FAM171B: variants seen among roughly 807,000 people sequenced by gnomAD.
FAM171B encodes family with sequence similarity 171 member B, also known as protein FAM171B.
Under a neutral mutation model 75.6 loss-of-function variants are expected in FAM171B, and 19 were observed. The observed-to-expected ratio is 0.25, with a 90% CI of 0.18 to 0.37. The LOEUF (loss-of-function observed/expected upper bound fraction) is 0.37. Ranked by LOEUF, FAM171B falls within the 10% of genes least tolerant of loss-of-function variation. The probability of loss-of-function intolerance (pLI) is 1.00; values close to 1 mark genes in which losing one functional copy is unlikely to be tolerated. For synonymous variants in FAM171B, 367 were observed against 361.7 expected, an observed-to-expected ratio of 1.01 and a Z score of -0.17; for missense variants, 848 against 982.4, an observed-to-expected ratio of 0.86 and a Z score of 1.83.
rs889716678 is a variant in FAM171B, at chr2:186,763,074, G to T, written c.*251G>T. 6.6e-5 allele frequency: 26 copies of T among 393,900 alleles called. No individual in the cohort carries two copies. Among genetic ancestry groups the T allele is most frequent in the African/African-American group, 5.0e-4 (24 of 48,470 alleles). The allele number at this position is 393,900 out of a possible 1,614,324, so 24.4% of individuals were successfully genotyped here. ...TCAAAATGTAAAATAGCTTCAAGAT[G>T]TTAGTTATCTGAAAATGTTGCTCAG... On this transcript the variant is annotated 3_prime_UTR_variant, in exon 8 of 8. Transcript: ENST00000304698.
rs1432011992 is a variant in FAM171B at position 186,765,782 on chromosome 2, C to A, written c.*2959C>A. 1.3e-5 allele frequency: 2 copies of A among 152,058 alleles called. No individual in the cohort carries two copies. Among genetic ancestry groups the A allele is most frequent in the African/African-American group, 4.8e-5 (2 of 41,436 alleles). The allele number at this position is 152,058 out of a possible 1,614,324, so 9.4% of individuals were successfully genotyped here. On this transcript the variant is annotated 3_prime_UTR_variant, in exon 8 of 8. Transcript: ENST00000304698. ...ATTTCTATTTCAGATCTAGAATTGA[C>A]ATTTTGCCTTCTTGTTTCCAGGTGT...
intron 2 of FAM171B, among the ~76,000 whole-genome samples, chr2:186,742,604 GT>G (rs956449481): frequency 1.1e-4 from 16 of 151,976 alleles, no homozygotes; most frequent in African/African-American, 3.9e-4. Context: ...ATGCAACTGT[GT>G]TTTCTCTTAA....
intron 1 of FAM171B, among the ~76,000 whole-genome samples, chr2:186,696,512 T>G (rs546230388): frequency 4.2e-5 from 6 of 143,434 alleles, no homozygotes; most frequent in Admixed American, 2.9e-4. Context: ...CTCCAATGGC[T>G]TCCCGTCTCT....
At position 186,761,800 on chromosome 2, in the gene FAM171B, G is replaced by A. The variant is rs749377956; in HGVS notation, c.1458G>A (p.Glu486=). Residue 486 remains glutamate, a synonymous_variant, in exon 8 of 8, where the codon GAG becomes GAA. Transcript: ENST00000304698. ...NYSRNPTQSL[E]PNVGSKQPKH... is the part of the protein sequence containing the mutation. ...CAAGAAACCCAACACAGTCTTTGGA[G>A]CCCAATGTAGGGTCCAAACAACCTA... 6.8e-6 allele frequency: 11 copies of A among 1,613,026 alleles called. No homozygotes were observed. Among genetic ancestry groups the A allele is most frequent in the Non-Finnish European group, 4.2e-6 (5 of 1,179,748 alleles).
At chr2:186,715,434 C>A (rs1230135858) in intron 1 of FAM171B, among the ~76,000 whole-genome samples, 2 of 152,060 alleles carry the variant, frequency 1.3e-5, no homozygotes, top group Admixed American at 1.3e-4. Flanking sequence ...AACTCCTGGG[C>A]TCAAGCAATC....
chr2:186,753,268 C>T (rs1690483095), intron 5 of FAM171B, among the ~76,000 whole-genome samples: 1 of 152,152 alleles, frequency 6.6e-6, no homozygotes. Flanking sequence ...CCTGCCTCAG[C>T]CTCCTGAGTA....
At chr2:186,724,521 A>C (rs1322403328) in intron 1 of FAM171B, among the ~76,000 whole-genome samples, 1 of 152,184 alleles carries the variant, frequency 6.6e-6, no homozygotes, top group Non-Finnish European at 1.5e-5. Context: ...ATCCTTTACT[A>C]TAATAAAGCA....
chr2:186,751,703 A>G (rs530517505), intron 5 of FAM171B, among the ~76,000 whole-genome samples: 1 of 152,258 alleles, frequency 6.6e-6, no homozygotes, highest in Non-Finnish European at 1.5e-5. Flanking sequence ...TTATTAAGAG[A>G]TAGAAAAAGT....
chr2:186,714,353 C>G (rs1256829531), intron 1 of FAM171B, among the ~76,000 whole-genome samples: 1 of 151,856 alleles, frequency 6.6e-6, no homozygotes, highest in East Asian at 1.9e-4. Context: ...CTGATGTTAA[C>G]AATATTCACA....
chr2:186,694,269 G>T lies in FAM171B; in HGVS notation c.96G>T (p.Ala32=), dbSNP rs758737940. Residue 32 remains alanine (A), a synonymous_variant, in exon 1 of 8, where the codon GCG becomes GCT. Transcript: ENST00000304698. ...GGCTGGTCCCCGCGGCCGCCAGAGCGGAACTCAGCCGCTCCGACCTCAGCC... is the reference window on the plus strand; with the variant it reads ...GGCTGGTCCCCGCGGCCGCCAGAGCTGAACTCAGCCGCTCCGACCTCAGCC... ...KARLVPAAAR[A]ELSRSDLSLI... The T allele has an allele frequency of 6.2e-7, 1 of 1,611,866 alleles. No individual in the cohort carries two copies. The highest frequency in any genetic ancestry group is 8.5e-7 in the Non-Finnish European group (1 of 1,179,624).
At chr2:186,714,201 G>A (rs1236422850) in intron 1 of FAM171B, among the ~76,000 whole-genome samples, 3 of 151,804 alleles carry the variant, frequency 2.0e-5, no homozygotes, top group African/African-American at 7.3e-5. Flanking sequence ...CTCCACAACA[G>A]AGAAGGGCAT....
At chr2:186,753,829 C>G in intron 5 of FAM171B, 104 bp from the exon 6 acceptor site, 1 of 781,430 alleles carries the variant, frequency 1.3e-6, no homozygotes, top group Non-Finnish European at 2.2e-6. Context: ...TTATATATTG[C>G]CACAGTTTTC....
chr2:186,747,811 G>A (rs1690388328), intron 4 of FAM171B, among the ~76,000 whole-genome samples: 1 of 152,006 alleles, frequency 6.6e-6, no homozygotes, highest in Non-Finnish European at 1.5e-5. Flanking sequence ...ATTTCTATAA[G>A]GCTGTCATAA....
intron 6 of FAM171B, among the ~76,000 whole-genome samples, chr2:186,759,649 G>T (rs1690585914): frequency 6.6e-6 from 1 of 151,946 alleles, no homozygotes; most frequent in African/African-American, 2.4e-5. Context: ...TTTGAGAAAT[G>T]TTCTATTCAA....
At chr2:186,705,930 T>C (rs777275654) in intron 1 of FAM171B, among the ~76,000 whole-genome samples, 1 of 152,244 alleles carries the variant, frequency 6.6e-6, no homozygotes, top group Non-Finnish European at 1.5e-5. Context: ...GGTTTTGTTA[T>C]GTAATAAACG....
chr2:186,704,227 G>A (rs936789292), intron 1 of FAM171B, among the ~76,000 whole-genome samples: 1 of 152,004 alleles, frequency 6.6e-6, no homozygotes, highest in Admixed American at 6.6e-5. Flanking sequence ...ATATTAATCA[G>A]ATTTTGACTA....
chr2:186,739,034 C>A (rs1370360682), intron 1 of FAM171B, among the ~76,000 whole-genome samples: 2 of 152,178 alleles, frequency 1.3e-5, no homozygotes, highest in Non-Finnish European at 2.9e-5. Context: ...TATTACTGTA[C>A]TGGATACTGC....
In FAM171B at chr2:186,765,299, C is replaced by T. The variant is rs1487312071; in HGVS notation, c.*2476C>T. ...TTGGTCACAAATTGTTAACATTTGT[C>T]GATCCTTTGTATATACTTTGGATAT... On this transcript the variant is annotated 3_prime_UTR_variant, in exon 8 of 8. Transcript: ENST00000304698. The T allele has an allele frequency of 2.6e-5, 4 of 151,868 alleles. No homozygotes were observed. Among genetic ancestry groups the T allele is most frequent in the African/African-American group, 7.2e-5 (3 of 41,394 alleles). The allele number at this position is 151,868 out of a possible 1,614,324, so 9.4% of individuals were successfully genotyped here.
At chr2:186,704,754 T>G (rs1689711015) in intron 1 of FAM171B, among the ~76,000 whole-genome samples, 1 of 152,134 alleles carries the variant, frequency 6.6e-6, no homozygotes, top group Admixed American at 6.5e-5. Flanking sequence ...TTCTGTACCA[T>G]AGTATAATAT....
Sources: allele counts gnomAD v4.1 joint callset (sites outside exome capture counted in the v4.1 genomes callset), GRCh38; gene constraint gnomAD v4.1.1; transcripts MANE v1.5; gene names NCBI Gene and HGNC (gene_info 2026-07-23, HGNC 2026-07-21).